TAF12: variants seen among roughly 807,000 people sequenced by gnomAD.
TAF12 encodes TATA-box binding protein associated factor 12, also known as transcription initiation factor TFIID subunit 12.
In TAF12, 3 loss-of-function variants were observed where a neutral mutation model predicts 20.8. The observed-to-expected ratio is 0.14, with a 90% CI of 0.07 to 0.37. The LOEUF is 0.37. TAF12 is among the 10% of genes least tolerant of loss of function. The pLI is 1.00. For synonymous variants in TAF12, 69 were observed against 70.2 expected (o/e 0.98, Z 0.09); for missense variants, 131 against 197.9 (o/e 0.66, Z 2.03).
intron 1 of TAF12, among the ~76,000 whole-genome samples, chr1:28,624,774 T>C (rs1667329624): frequency 6.6e-6 from 1 of 151,296 alleles, no homozygotes; most frequent in Non-Finnish European, 1.5e-5. Context: ...AAAAAATAAA[T>C]AATAATAATA....
chr1:28,625,068 G>A (rs1241747820), intron 1 of TAF12, among the ~76,000 whole-genome samples: 1 of 152,170 alleles, frequency 6.6e-6, no homozygotes, highest in East Asian at 1.9e-4. Context: ...CTATGCAAAA[G>A]CCTCATTAAG....
At chr1:28,642,774 T>C in intron 1 of TAF12, 1 of 985,388 alleles carries the variant, frequency 1.0e-6, no homozygotes, top group Non-Finnish European at 1.2e-6. Context: ...AGAACTCGCA[T>C]CCGTCCCCGT....
At chr1:28,636,754 T>C (rs1402048398) in intron 1 of TAF12, among the ~76,000 whole-genome samples, 1 of 151,522 alleles carries the variant, frequency 6.6e-6, no homozygotes, top group Non-Finnish European at 1.5e-5. Flanking sequence ...TGAGATGTGA[T>C]GGCACCACTG....
chr1:28,646,865 A>G (rs535512244), upstream of TAF12, among the ~76,000 whole-genome samples: 1 of 151,944 alleles, frequency 6.6e-6, no homozygotes, highest in Non-Finnish European at 1.5e-5. Context: ...CACCCGGCTA[A>G]TTTTTTGTAT....
At chr1:28,627,403 A>G (rs1667443463) in intron 1 of TAF12, among the ~76,000 whole-genome samples, 2 of 150,926 alleles carry the variant, frequency 1.3e-5, no homozygotes, top group Non-Finnish European at 3.0e-5. Context: ...AAAAAAAAAA[A>G]AAAAAAGAGG....
chr1:28,615,179 T>G (rs759769907), intron 3 of TAF12, among the ~76,000 whole-genome samples: 3 of 152,014 alleles, frequency 2.0e-5, no homozygotes, highest in Non-Finnish European at 4.4e-5. Flanking sequence ...GTCAATATAG[T>G]CCCCATGGCA....
chr1:28,612,956 T>G (rs377638831), intron 4 of TAF12, among the ~76,000 whole-genome samples: 1 of 152,288 alleles, frequency 6.6e-6, no homozygotes. Context: ...AGGAGGATAT[T>G]ATGATCCTCA....
intron 2 of TAF12, among the ~76,000 whole-genome samples, chr1:28,620,129 GAAA>G (rs200204875): frequency 6.6e-6 from 1 of 150,892 alleles, no homozygotes; most frequent in East Asian, 1.9e-4. Flanking sequence ...AAGGAAAAAA[GAAA>G]AAAAATTTTT....
chr1:28,644,568 G>A (rs1452438922), upstream of TAF12, among the ~76,000 whole-genome samples: 1 of 152,222 alleles, frequency 6.6e-6, no homozygotes. Context: ...TGGTGGCTAA[G>A]ACGGATGATC....
At chr1:28,639,896 C>G (rs1168143775) in intron 1 of TAF12, among the ~76,000 whole-genome samples, 1 of 151,116 alleles carries the variant, frequency 6.6e-6, no homozygotes, top group Non-Finnish European at 1.5e-5. Flanking sequence ...GGCTGGAGTA[C>G]AGTGACACAA....
intron 1 of TAF12, among the ~76,000 whole-genome samples, chr1:28,641,737 G>A (rs1453226332): frequency 6.6e-6 from 1 of 150,778 alleles, no homozygotes; most frequent in Non-Finnish European, 1.5e-5. Flanking sequence ...GGAGGTGCAC[G>A]GGGCCAAGAC....
Position 28,625,713 on chromosome 1 carries a change from T to C in TAF12, c.-84-3548A>G, listed in dbSNP as rs552438830. Among the ~76,000 whole-genome samples the C allele has an allele frequency of 9.9e-4, 150 of 152,084 alleles. 1 individual carries two copies. Among genetic ancestry groups the C allele is most frequent in the African/African-American group, 3.5e-3 (146 of 41,500 alleles). ...CCCACCACCACGCCCAGCTATTTTT[T>C]TGTATTTTTAGTAGAGACGGGGTTT... On this transcript the variant is annotated intron_variant, in intron 1 of 5. Coordinates refer to ENST00000373824, the MANE Select transcript of TAF12 (RefSeq NM_005644.4).
upstream of TAF12, chr1:28,646,443 C>T (rs1668186615): frequency 6.6e-6 from 1 of 152,172 alleles, no homozygotes. Context: ...TTGTAAAGAG[C>T]AGGGAACTCC....
chr1:28,625,792 C>T (rs1431476265), intron 1 of TAF12, among the ~76,000 whole-genome samples: 10 of 151,840 alleles, frequency 6.6e-5, no homozygotes, highest in African/African-American at 1.2e-4. Context: ...CCGCCTGCCT[C>T]GGCCTCCCAA....
chr1:28,612,185 C>T (rs886318353), intron 4 of TAF12, among the ~76,000 whole-genome samples: 2 of 152,056 alleles, frequency 1.3e-5, no homozygotes, highest in African/African-American at 4.8e-5. Context: ...CATGGTGGCT[C>T]ATGACTGTAA....
chr1:28,615,678 C>CAAAAAAAAAAAAAAAAA (rs57536422), intron 3 of TAF12, among the ~76,000 whole-genome samples: 2 of 34,484 alleles, frequency 5.8e-5, no homozygotes, highest in African/African-American at 1.3e-4. Context: ...GACTCCGTCT[C>CAAAAAAAAAAAAAAAAA]AAAAAAAAAA....
chr1:28,612,823 A>G (rs1666911697), intron 4 of TAF12, among the ~76,000 whole-genome samples: 2 of 152,162 alleles, frequency 1.3e-5, no homozygotes, highest in African/African-American at 4.8e-5. Context: ...GGGAACACTG[A>G]GGAACAGTTT....
At chr1:28,630,161 C>T (rs1306402862) in intron 1 of TAF12, among the ~76,000 whole-genome samples, 1 of 152,052 alleles carries the variant, frequency 6.6e-6, no homozygotes, top group Admixed American at 6.6e-5. Context: ...GCCCAGGCTG[C>T]TCTCAAACTC....
At chr1:28,612,353 G>A (rs971685654) in intron 4 of TAF12, among the ~76,000 whole-genome samples, 3 of 151,656 alleles carry the variant, frequency 2.0e-5, no homozygotes, top group Non-Finnish European at 4.4e-5. Context: ...AGGAGGCTGA[G>A]GCAGGAGAAT....
Sources: allele counts gnomAD v4.1 joint callset (sites outside exome capture counted in the v4.1 genomes callset), GRCh38; gene constraint gnomAD v4.1.1; transcripts MANE v1.5; gene names NCBI Gene and HGNC (gene_info 2026-07-23, HGNC 2026-07-21).